The following EPB41L4A variants were observed in gnomAD, a reference collection of about 807,000 sequenced individuals.
The protein encoded by EPB41L4A is erythrocyte membrane protein band 4.1 like 4A.
EPB41L4A carries 100 observed loss-of-function variants against 108.6 expected under a neutral mutation model. That is an observed-to-expected ratio of 0.92 (90% CI 0.78 to 1.09). The LOEUF (loss-of-function observed/expected upper bound fraction) is 1.09. EPB41L4A is among the 50% of genes least tolerant of loss of function. EPB41L4A has a pLI of 0.00. For synonymous variants in EPB41L4A, 319 were observed against 289.0 expected, an observed-to-expected ratio of 1.10 and a Z score of -1.05; for missense variants, 1,030 against 842.7, an observed-to-expected ratio of 1.22 and a Z score of -2.75.
At chr5:112,320,132 C>T (rs1755679885) in intron 1 of EPB41L4A, among the ~76,000 whole-genome samples, 2 of 152,186 alleles carry the variant, frequency 1.3e-5, no homozygotes, top group Admixed American at 6.5e-5. Flanking sequence ...AAGTTCCGGG[C>T]CTTGCTCATT....
chr5:112,313,757 A>T (rs879465413), intron 1 of EPB41L4A, among the ~76,000 whole-genome samples: 3 of 151,896 alleles, frequency 2.0e-5, no homozygotes, highest in African/African-American at 7.3e-5. Context: ...GTGTTAGGTA[A>T]GGAATGCATA....
chr5:112,170,253 C>A (rs749043165), intron 20 of EPB41L4A, 48 bp downstream of exon 20: 1 of 1,564,554 alleles, frequency 6.4e-7, no homozygotes, highest in Non-Finnish European at 8.8e-7. Context: ...ATGGATTACT[C>A]ACAAGCACTA....
At chr5:112,303,104 C>T (rs1754469447) in intron 2 of EPB41L4A, among the ~76,000 whole-genome samples, 1 of 152,172 alleles carries the variant, frequency 6.6e-6, no homozygotes, top group African/African-American at 2.4e-5. Flanking sequence ...TCCAGCATGA[C>T]AATCTTCCTT....
chr5:112,148,718 G>A (rs558685888), intron 12 of EPB41L4A, among the ~76,000 whole-genome samples: 4 of 152,058 alleles, frequency 2.6e-5, no homozygotes, highest in East Asian at 1.9e-4. Context: ...CCTTTCTATC[G>A]TGATTTTTTC....
chr5:112,314,626 G>A (rs1755309486), intron 1 of EPB41L4A, among the ~76,000 whole-genome samples: 1 of 149,972 alleles, frequency 6.7e-6, no homozygotes, highest in East Asian at 2.0e-4. Flanking sequence ...GGCTAACATG[G>A]TGAAACCCTG....
intron 1 of EPB41L4A, among the ~76,000 whole-genome samples, chr5:112,399,489 G>T (rs931121149): frequency 6.6e-6 from 1 of 152,198 alleles, no homozygotes. Context: ...GCACCTGGAA[G>T]GTTCTCGAAA....
intron 1 of EPB41L4A, among the ~76,000 whole-genome samples, chr5:112,383,717 C>T (rs1760312786): frequency 6.6e-6 from 1 of 151,490 alleles, no homozygotes; most frequent in South Asian, 2.1e-4. Context: ...TTTTGGTACA[C>T]TAACAGACAA....
chr5:112,157,152 A>C (rs965293156), intron 12 of EPB41L4A, among the ~76,000 whole-genome samples: 1 of 152,046 alleles, frequency 6.6e-6, no homozygotes, highest in African/African-American at 2.4e-5. Context: ...CAAAAAGAAA[A>C]AAAAAAAACA....
intron 2 of EPB41L4A, among the ~76,000 whole-genome samples, chr5:112,280,975 C>T (rs1752929149): frequency 6.6e-6 from 1 of 152,146 alleles, no homozygotes; most frequent in Non-Finnish European, 1.5e-5. Flanking sequence ...CATTAAGGAT[C>T]CAGGAGAGCA....
At chr5:112,165,934 T>G (rs534580679) in intron 22 of EPB41L4A, among the ~76,000 whole-genome samples, 7 of 152,256 alleles carry the variant, frequency 4.6e-5, no homozygotes, top group Non-Finnish European at 8.8e-5. Flanking sequence ...ATAATTATTC[T>G]GCCTATCATG....
chr5:112,226,159 G>A (rs1021425028), intron 12 of EPB41L4A, among the ~76,000 whole-genome samples: 10 of 152,194 alleles, frequency 6.6e-5, no homozygotes, highest in African/African-American at 2.4e-4. Context: ...GTGGGGCAGA[G>A]GCTGGGGAAC....
chr5:112,383,912 T>C (rs1375875233), intron 1 of EPB41L4A, among the ~76,000 whole-genome samples: 1 of 152,102 alleles, frequency 6.6e-6, no homozygotes, highest in African/African-American at 2.4e-5. Flanking sequence ...GGTTAAAAGT[T>C]AAGTGTAAAA....
intron 1 of EPB41L4A, among the ~76,000 whole-genome samples, chr5:112,387,993 T>C (rs1410771456): frequency 1.3e-5 from 2 of 152,182 alleles, no homozygotes; most frequent in Non-Finnish European, 2.9e-5. Flanking sequence ...TCTATCACTG[T>C]AGGAGGACTG....
At chr5:112,366,038 C>T (rs1319487700) in intron 1 of EPB41L4A, among the ~76,000 whole-genome samples, 1 of 152,084 alleles carries the variant, frequency 6.6e-6, no homozygotes, top group Non-Finnish European at 1.5e-5. Context: ...AGAGACTCTA[C>T]GCAATAGAAA....
At chr5:112,152,452 T>G (rs1324403327) in intron 12 of EPB41L4A, among the ~76,000 whole-genome samples, 1 of 152,164 alleles carries the variant, frequency 6.6e-6, no homozygotes, top group East Asian at 1.9e-4. Context: ...GTGGAGCCTT[T>G]GGGTGGTGAT....
intron 1 of EPB41L4A, among the ~76,000 whole-genome samples, chr5:112,351,503 C>T (rs777818573): frequency 2.0e-5 from 3 of 152,068 alleles, no homozygotes; most frequent in Non-Finnish European, 2.9e-5. Flanking sequence ...AAAGCCCAGG[C>T]CTGGATGGTT....
intron 1 of EPB41L4A, among the ~76,000 whole-genome samples, chr5:112,307,893 T>A (rs931396606): frequency 2.0e-5 from 3 of 152,104 alleles, no homozygotes; most frequent in African/African-American, 7.2e-5. Flanking sequence ...ACCTATAGCA[T>A]TACTCTCACA....
intron 2 of EPB41L4A, among the ~76,000 whole-genome samples, chr5:112,290,637 CACTGTAT>C (rs1461704146): frequency 6.6e-6 from 1 of 152,162 alleles, no homozygotes; most frequent in African/African-American, 2.4e-5. Flanking sequence ...AGTGAGGCAT[CACTGTAT>C]ACAGACTATG....
At chr5:112,248,347 C>A (rs541031386) in intron 9 of EPB41L4A, among the ~76,000 whole-genome samples, 1 of 152,188 alleles carries the variant, frequency 6.6e-6, no homozygotes, top group Non-Finnish European at 1.5e-5. Context: ...CACAGATGAA[C>A]AGCTGCTTAA....
Sources: gnomAD v4.1 joint callset for allele counts (sites outside exome capture counted in the v4.1 genomes callset) on GRCh38, gnomAD v4.1.1 for gene constraint, MANE v1.5 for transcripts, NCBI Gene and HGNC (gene_info 2026-07-23, HGNC 2026-07-21) for gene names.